The following PRKCE variants were observed in gnomAD, a reference collection of about 807,000 sequenced individuals.
PRKCE encodes protein kinase C epsilon type.
A neutral mutation model predicts 85.4 loss-of-function variants in PRKCE; 16 were observed. The observed-to-expected ratio is 0.19, with a 90% confidence interval of 0.13 to 0.28. PRKCE has a LOEUF of 0.28. PRKCE is among the 10% of genes least tolerant of loss of function. The probability of loss-of-function intolerance (pLI) is 1.00; values close to 1 mark genes in which losing one functional copy is unlikely to be tolerated. For synonymous variants in PRKCE, 388 were observed against 371.5 expected (o/e 1.04, Z -0.51); for missense variants, 573 against 975.2 (o/e 0.59, Z 5.49).
At chr2:45,806,858 C>A (rs1359960260) in intron 1 of PRKCE, among the ~76,000 whole-genome samples, 1 of 152,098 alleles carries the variant, frequency 6.6e-6, no homozygotes, top group African/African-American at 2.4e-5. Flanking sequence ...CTCTGAGATC[C>A]CATGGGCCTG....
chr2:45,823,539 C>T (rs1000181073), intron 1 of PRKCE, among the ~76,000 whole-genome samples: 4 of 152,038 alleles, frequency 2.6e-5, no homozygotes, highest in African/African-American at 9.7e-5. Context: ...TAATTGGGTA[C>T]CAGGGGATGT....
Position 46,184,667 on chromosome 2 carries a change from A to G in PRKCE, c.2068-68A>G, listed in dbSNP as rs1680324450. The G allele has an allele frequency of 1.9e-6, 3 of 1,567,558 alleles. No individual in the cohort carries two copies. In the South Asian group the frequency reaches 3.6e-5, roughly 19 times the overall value. On this transcript the variant is annotated intron_variant, in intron 14 of 14. Coordinates refer to ENST00000306156, the MANE Select transcript of PRKCE (RefSeq NM_005400.3). The surrounding 1 kb of genome is among the most constrained non-coding windows in gnomAD (Gnocchi z 5.0). ...TGACAGGCTGGTCAGTGCGGTGCCC[A>G]CTCCCCATGGGGGGCCCTCAGGAGG...
chr2:46,187,377 G>A lies in PRKCE; in HGVS notation c.*2496G>A, dbSNP rs532699323. On this transcript the variant is annotated 3_prime_UTR_variant, in exon 15 of 15. Coordinates refer to ENST00000306156, the MANE Select transcript of PRKCE (RefSeq NM_005400.3). The stretch of plus-strand genomic sequence containing the variant: ...TGGGCTGGCTGGGATGCCTCTGGCT[G>A]GTGAAGTTCTCACATAGGCTGATTT... 6.6e-6 allele frequency: 1 copy of A among 152,386 alleles called. No homozygotes were observed. Among genetic ancestry groups the A allele is most frequent in the Non-Finnish European group, 1.5e-5 (1 of 68,034 alleles). 9.4% of individuals were successfully genotyped at this position (152,386 alleles called of 1,614,324 possible).
chr2:45,871,117 G>A (rs796320087), intron 2 of PRKCE, among the ~76,000 whole-genome samples: 48 of 152,306 alleles, frequency 3.2e-4, no homozygotes, highest in African/African-American at 1.1e-3. Flanking sequence ...GTCCTTTCAG[G>A]ACTGTGGTTG....
In PRKCE at chr2:46,036,233, A is replaced by G. The variant is rs183013736; in HGVS notation, c.1437+25716A>G. Among the ~76,000 whole-genome samples, 12 of 152,192 alleles carry G rather than the reference A, an allele frequency of 7.9e-5. No homozygotes were observed. The East Asian group carries it at 2.3e-3, about 29-fold the overall frequency. On this transcript the variant is annotated intron_variant, in intron 10 of 14. Coordinates refer to ENST00000306156, the MANE Select transcript of PRKCE (RefSeq NM_005400.3). ...AGGGAGTTAAGGGGAAAGTGGGATG[A>G]GGTGGGGTCAGAGCGAGAGCAGGCA...
At chr2:46,118,285 A>G (rs1672970174) in intron 11 of PRKCE, among the ~76,000 whole-genome samples, 1 of 152,202 alleles carries the variant, frequency 6.6e-6, no homozygotes, top group South Asian at 2.1e-4. Context: ...CACTCAGAAG[A>G]GTTGGCACTT....
Position 46,031,388 on chromosome 2 carries a change from A to G in PRKCE, c.1437+20871A>G, listed in dbSNP as rs369726282. Among the ~76,000 whole-genome samples the G allele has an allele frequency of 6.6e-5, 10 of 152,168 alleles. No individual in the cohort carries two copies. In the East Asian group the frequency reaches 1.5e-3, roughly 24 times the overall value. ...CCTTGATTGTCCTGACCTCCCACTGATCATCTCACATCCCGCCTCTTCCAC... is the reference window on the plus strand; with the variant it reads ...CCTTGATTGTCCTGACCTCCCACTGGTCATCTCACATCCCGCCTCTTCCAC... On this transcript the variant is annotated intron_variant, in intron 10 of 14. Transcript: ENST00000306156.
chr2:45,828,682 T>G (rs1690155813), intron 1 of PRKCE, among the ~76,000 whole-genome samples: 2 of 152,214 alleles, frequency 1.3e-5, no homozygotes, highest in African/African-American at 4.8e-5. Context: ...CTCAGGTACT[T>G]TAATGGATTG....
At chr2:46,093,146 A>T (rs1405295177) in intron 11 of PRKCE, among the ~76,000 whole-genome samples, 1 of 152,164 alleles carries the variant, frequency 6.6e-6, no homozygotes, top group East Asian at 1.9e-4. Flanking sequence ...TAAAATTCCT[A>T]AGGATCTAAG....
chr2:46,020,416 T>G (rs1052310951), intron 10 of PRKCE, among the ~76,000 whole-genome samples: 2 of 152,224 alleles, frequency 1.3e-5, no homozygotes, highest in African/African-American at 4.8e-5. Context: ...GTCTTGATTT[T>G]TTTTTTTAAC....
At chr2:45,848,220 T>C (rs1212073822) in intron 2 of PRKCE, among the ~76,000 whole-genome samples, 1 of 152,258 alleles carries the variant, frequency 6.6e-6, no homozygotes, top group Non-Finnish European at 1.5e-5. Context: ...ACCTCTTTTC[T>C]TCTAAATTCT....
rs560773943 is a variant in PRKCE, at chr2:45,729,239, G to A, written c.348+76791G>A. On this transcript the variant is annotated intron_variant, in intron 1 of 14. Transcript: ENST00000306156. ...TGGTTAATTCACATAGGGCGGTGGA[G>A]GACACAGTGCAGTCTCTGTTTGCAC... Among the ~76,000 whole-genome samples, 27 of 152,306 alleles carry A rather than the reference G, an allele frequency of 1.8e-4. No homozygotes were observed. In the East Asian group the frequency reaches 2.1e-3, roughly 12 times the overall value.
chr2:45,973,017 C>G (rs1211959126), intron 2 of PRKCE, among the ~76,000 whole-genome samples: 1 of 152,158 alleles, frequency 6.6e-6, no homozygotes, highest in Non-Finnish European at 1.5e-5. Flanking sequence ...TACAAAAATT[C>G]AGCAATTAAA....
At chr2:45,981,509 G>T (rs932340287) in intron 5 of PRKCE, among the ~76,000 whole-genome samples, 1 of 152,166 alleles carries the variant, frequency 6.6e-6, no homozygotes, top group Non-Finnish European at 1.5e-5. Context: ...AAGCAACAAA[G>T]GACAAGGCTT....
intron 1 of PRKCE, among the ~76,000 whole-genome samples, chr2:45,833,041 G>A (rs1031943290): frequency 1.3e-5 from 2 of 151,598 alleles, no homozygotes; most frequent in East Asian, 1.9e-4. Flanking sequence ...ATATCAGCCC[G>A]GTGTGGTGGC....
chr2:45,912,246 CAG>C (rs1316674064), intron 2 of PRKCE, among the ~76,000 whole-genome samples: 4 of 152,102 alleles, frequency 2.6e-5, no homozygotes, highest in Admixed American at 6.5e-5. Context: ...TATCCCGTGA[CAG>C]AGTTGAGATA....
At chr2:45,932,804 C>T (rs576976731) in intron 2 of PRKCE, among the ~76,000 whole-genome samples, 12 of 152,294 alleles carry the variant, frequency 7.9e-5, no homozygotes, top group Admixed American at 5.2e-4. Context: ...CCCCCAGCCC[C>T]GGGCAATCGT....
intron 11 of PRKCE, among the ~76,000 whole-genome samples, chr2:46,088,858 C>G (rs940799346): frequency 2.6e-5 from 4 of 152,150 alleles, no homozygotes; most frequent in African/African-American, 7.2e-5. Flanking sequence ...GTGTCCAAAG[C>G]CATACTTGGT....
rs1231200860 is a variant in PRKCE at position 46,001,334 on chromosome 2, A to G, written c.824-70A>G. ...TAATACTTCATGAACATATAATACA[A>G]TCTCAAAGAAAAGAAGCAACATCTT... On this transcript the variant is annotated intron_variant, in intron 6 of 14. Coordinates refer to ENST00000306156, the MANE Select transcript of PRKCE (RefSeq NM_005400.3). The surrounding 1 kb of genome is among the most constrained non-coding windows in gnomAD (Gnocchi z 4.4). The G allele has an allele frequency of 2.7e-6, 4 of 1,456,270 alleles. No individual in the cohort carries two copies. The highest frequency in any genetic ancestry group is 3.7e-6 in the Non-Finnish European group (4 of 1,083,034). 90.2% of individuals were successfully genotyped at this position (1,456,270 alleles called of 1,614,324 possible).
Sources: gnomAD v4.1 joint callset for allele counts (sites outside exome capture counted in the v4.1 genomes callset) on GRCh38, gnomAD v4.1.1 for gene constraint, Gnocchi (gnomAD v3.1) non-coding constraint, MANE v1.5 for transcripts, NCBI Gene and HGNC (gene_info 2026-07-23, HGNC 2026-07-21) for gene names.